The following FGF14 variants were observed in gnomAD, a reference collection of about 807,000 sequenced individuals.
FGF14 encodes the protein fibroblast growth factor 14, also known as fibroblast growth factor homologous factor 4.
In FGF14, 5 loss-of-function variants were observed where a neutral mutation model predicts 25.5. The observed-to-expected ratio is 0.20, with a 90% confidence interval of 0.10 to 0.41. The LOEUF (loss-of-function observed/expected upper bound fraction) is 0.41, where lower values mean the gene tolerates loss of function less well. Among genes scored for constraint, FGF14 ranks in the 10% least tolerant of loss-of-function variants. The pLI is 1.00. For synonymous variants in FGF14, 138 were observed against 118.3 expected (o/e 1.17, Z -1.08); for missense variants, 222 against 320.1 (o/e 0.69, Z 2.34).
chr13:102,376,197 G>C (rs1004938585), intron 1 of FGF14, among the ~76,000 whole-genome samples: 1 of 152,066 alleles, frequency 6.6e-6, no homozygotes, highest in African/African-American at 2.4e-5. Context: ...TCCCCATACT[G>C]TTCTCATGGT....
chr13:101,978,070 C>G (rs2139590084), intron 1 of FGF14, among the ~76,000 whole-genome samples: 1 of 152,288 alleles, frequency 6.6e-6, no homozygotes, highest in African/African-American at 2.4e-5. Flanking sequence ...TTCTAGGACT[C>G]TGTGATTAAC....
chr13:102,008,033 T>A (rs1355848424), intron 1 of FGF14, among the ~76,000 whole-genome samples: 1 of 152,136 alleles, frequency 6.6e-6, no homozygotes, highest in Non-Finnish European at 1.5e-5. Flanking sequence ...TGAGAATGAA[T>A]CATCCTATTT....
chr13:102,380,940 G>GT (rs748429746), intron 1 of FGF14, among the ~76,000 whole-genome samples: 6 of 152,046 alleles, frequency 3.9e-5, no homozygotes, highest in Non-Finnish European at 8.8e-5. Context: ...TGAAAATACT[G>GT]TAAGTCAAAA....
At chr13:102,311,047 C>G (rs2055737994) in intron 1 of FGF14, among the ~76,000 whole-genome samples, 1 of 152,130 alleles carries the variant, frequency 6.6e-6, no homozygotes, top group Non-Finnish European at 1.5e-5. Flanking sequence ...CATACACACA[C>G]ACACACACAA....
At chr13:102,274,783 C>T (rs1034214501) in intron 1 of FGF14, among the ~76,000 whole-genome samples, 1 of 151,926 alleles carries the variant, frequency 6.6e-6, no homozygotes, top group African/African-American at 2.4e-5. Flanking sequence ...CTGGTTATGT[C>T]TGACTTGGAG....
intron 1 of FGF14, among the ~76,000 whole-genome samples, chr13:102,353,649 ATCACTT>A (rs1372120711): frequency 6.6e-6 from 1 of 152,186 alleles, no homozygotes; most frequent in Non-Finnish European, 1.5e-5. Context: ...AAGTAGATGG[ATCACTT>A]CAATCCATCC....
chr13:101,759,715 G>T (rs569216560), intron 3 of FGF14, among the ~76,000 whole-genome samples: 1 of 152,268 alleles, frequency 6.6e-6, no homozygotes. Flanking sequence ...TAAGAGGGAG[G>T]AGGCAATGTT....
rs138821561 is a variant in FGF14, at chr13:102,025,853, C to T, written c.209-150557G>A. On this transcript the variant is annotated intron_variant, in intron 1 of 4. Transcript: ENST00000376131. Reference sequence around the variant, plus strand: ...GATTGTTCTATATTGAGCTTGTAGCCTGTAATATTGTCAAATTCATTTATT... The same window carrying T: ...GATTGTTCTATATTGAGCTTGTAGCTTGTAATATTGTCAAATTCATTTATT... Among the ~76,000 whole-genome samples the T allele has an allele frequency of 8.9e-4, 135 of 151,886 alleles. No individual in the cohort carries two copies. The East Asian group carries it at 0.024, about 27-fold the overall frequency.
intron 1 of FGF14, among the ~76,000 whole-genome samples, chr13:102,147,139 T>G (rs781260445): frequency 9.8e-5 from 15 of 152,326 alleles, no homozygotes; most frequent in African/African-American, 3.6e-4. Flanking sequence ...TGGAAAAATA[T>G]TTATTGAAAA....
intron 3 of FGF14, among the ~76,000 whole-genome samples, chr13:101,812,682 TAC>T (rs2041636757): frequency 4.6e-5 from 5 of 109,402 alleles, no homozygotes; most frequent in Admixed American, 1.1e-4. Context: ...TTTTTTTTTT[TAC>T]GGAGTTTTGC....
At chr13:101,799,578 T>A (rs1390286923) in intron 3 of FGF14, among the ~76,000 whole-genome samples, 1 of 152,104 alleles carries the variant, frequency 6.6e-6, no homozygotes, top group Non-Finnish European at 1.5e-5. Flanking sequence ...GAGCAGCCGA[T>A]CATTTGGGGG....
At chr13:102,359,697 G>A (rs750285697) in intron 1 of FGF14, among the ~76,000 whole-genome samples, 1 of 152,068 alleles carries the variant, frequency 6.6e-6, no homozygotes, top group Non-Finnish European at 1.5e-5. Flanking sequence ...ATATCTCAGT[G>A]AAATTCTCTT....
chr13:101,815,326 G>A (rs2041787793), intron 3 of FGF14, among the ~76,000 whole-genome samples: 1 of 152,100 alleles, frequency 6.6e-6, no homozygotes, highest in Non-Finnish European at 1.5e-5. Context: ...ATGTTAAGAT[G>A]AAAGGCTTAC....
At chr13:102,027,922 T>C (rs1232337534) in intron 1 of FGF14, among the ~76,000 whole-genome samples, 1 of 152,004 alleles carries the variant, frequency 6.6e-6, no homozygotes, top group Non-Finnish European at 1.5e-5. Flanking sequence ...GCCTTTTTAT[T>C]ATATAGAGAG....
intron 1 of FGF14, among the ~76,000 whole-genome samples, chr13:101,998,159 T>C (rs1009642894): frequency 2.0e-5 from 3 of 152,112 alleles, no homozygotes; most frequent in African/African-American, 7.2e-5. Context: ...TAAATTCATA[T>C]TAAAAAAAGC....
At chr13:101,883,041 C>T (rs1331083582) in intron 1 of FGF14, among the ~76,000 whole-genome samples, 1 of 152,134 alleles carries the variant, frequency 6.6e-6, no homozygotes, top group Non-Finnish European at 1.5e-5. Context: ...TAGACATCTA[C>T]ACTTTTAACC....
rs9582519 is a variant in FGF14, at chr13:101,715,195, C to T, written c.*7636G>A. ...TCCTTACTACGTAAGACTCTCTTCA[C>T]GGATTACTTGGCCTGCCTCATGTTA... On this transcript the variant is annotated 3_prime_UTR_variant, in exon 5 of 5. Coordinates refer to ENST00000376143, the MANE Select transcript of FGF14 (RefSeq NM_004115.4). The T allele has an allele frequency of 0.07, 13,317 of 189,648 alleles. 755 individuals carry two copies. The highest frequency in any genetic ancestry group is 0.16 in the African/African-American group (6,987 of 42,454). 11.7% of individuals were successfully genotyped at this position (189,648 alleles called of 1,614,324 possible).
At chr13:102,220,763 T>C (rs952433646) in intron 1 of FGF14, among the ~76,000 whole-genome samples, 3 of 152,244 alleles carry the variant, frequency 2.0e-5, no homozygotes, top group African/African-American at 7.2e-5. Context: ...GTGCTCCTTA[T>C]TGGATTCGTG....
chr13:101,919,140 T>G (rs2033806624), upstream of FGF14, among the ~76,000 whole-genome samples: 1 of 152,164 alleles, frequency 6.6e-6, no homozygotes, highest in Non-Finnish European at 1.5e-5. Flanking sequence ...AAATGGCTAT[T>G]GAGTGTGTCT....
Sources: gnomAD v4.1 joint callset for allele counts (sites outside exome capture counted in the v4.1 genomes callset) on GRCh38, gnomAD v4.1.1 for gene constraint, MANE v1.5 for transcripts, NCBI Gene and HGNC (gene_info 2026-07-23, HGNC 2026-07-21) for gene names.